Variants in SGCD observed in about 807,000 individuals in gnomAD.
The protein encoded by SGCD is delta-sarcoglycan.
In SGCD, 18 loss-of-function variants were observed where a neutral mutation model predicts 36.6. The ratio of observed to expected loss-of-function variants is 0.49; its 90% CI spans 0.34 to 0.73. SGCD has a LOEUF of 0.73. SGCD is among the 30% of genes least tolerant of loss of function. The pLI is 0.01. For missense variants in SGCD, 387 were observed against 346.7 expected, an observed-to-expected ratio of 1.12 and a Z score of -0.92; for synonymous variants, 133 against 130.6, an observed-to-expected ratio of 1.02 and a Z score of -0.12.
intron 1 of SGCD, among the ~76,000 whole-genome samples, chr5:156,013,435 A>G (rs1243592745): frequency 1.3e-5 from 2 of 152,250 alleles, no homozygotes; most frequent in African/African-American, 2.4e-5. Flanking sequence ...TAAATTTTAC[A>G]CAAGAGCGTT....
intron 4 of SGCD, among the ~76,000 whole-genome samples, chr5:156,581,436 AC>A (rs1311859892): frequency 6.6e-6 from 1 of 152,048 alleles, no homozygotes. Context: ...TGCTGGGAGA[AC>A]CGCTGCTCTC....
chr5:156,736,762 T>C (rs1756390416), intron 7 of SGCD, among the ~76,000 whole-genome samples: 1 of 152,226 alleles, frequency 6.6e-6, no homozygotes, highest in Admixed American at 6.5e-5. Flanking sequence ...CATATGAAAG[T>C]CTGAAAGCAT....
intron 3 of SGCD, among the ~76,000 whole-genome samples, chr5:156,138,018 G>T (rs1762497635): frequency 6.6e-6 from 1 of 152,188 alleles, no homozygotes; most frequent in East Asian, 1.9e-4. Flanking sequence ...CCCAATCAAG[G>T]TACAGCATAT....
intron 3 of SGCD, among the ~76,000 whole-genome samples, chr5:156,171,912 A>G (rs752622419): frequency 1.5e-4 from 23 of 152,264 alleles, no homozygotes; most frequent in Non-Finnish European, 2.6e-4. Flanking sequence ...AGCAGTCAGT[A>G]ACCCTAGGGA....
chr5:156,158,308 G>A (rs1763011678), intron 3 of SGCD, among the ~76,000 whole-genome samples: 1 of 151,558 alleles, frequency 6.6e-6, no homozygotes, highest in Admixed American at 6.6e-5. Flanking sequence ...GCCCACTTTG[G>A]GAGAGAATAA....
At chr5:156,108,656 T>C (rs911730269) in intron 1 of SGCD, among the ~76,000 whole-genome samples, 6 of 152,296 alleles carry the variant, frequency 3.9e-5, no homozygotes, top group Non-Finnish European at 8.8e-5. Context: ...AGCATTGATA[T>C]TATTTCTATC....
chr5:156,479,657 T>C (rs888115686), intron 3 of SGCD, among the ~76,000 whole-genome samples: 1 of 152,212 alleles, frequency 6.6e-6, no homozygotes, highest in Non-Finnish European at 1.5e-5. Context: ...TTTGTCCTTT[T>C]GTTCCAGTAC....
chr5:156,248,111 G>T (rs1271596163), intron 3 of SGCD, among the ~76,000 whole-genome samples: 3 of 152,146 alleles, frequency 2.0e-5, no homozygotes, highest in African/African-American at 4.8e-5. Flanking sequence ...TGTGTAGTAT[G>T]TTTATGTATG....
At chr5:155,930,229 T>C (rs1398276965) in intron 1 of SGCD, among the ~76,000 whole-genome samples, 1 of 152,228 alleles carries the variant, frequency 6.6e-6, no homozygotes, top group Admixed American at 6.5e-5. Context: ...TAGAAACACC[T>C]CTGTACAACT....
At chr5:156,321,113 T>TAAAAAC (rs533078143) in intron 3 of SGCD, among the ~76,000 whole-genome samples, 55 of 151,968 alleles carry the variant, frequency 3.6e-4, no homozygotes, top group Middle Eastern at 3.4e-3. Context: ...AAAAACAAAT[T>TAAAAAC]AAAAACAAAA....
At chr5:156,517,229 G>A (rs1485982095) in intron 4 of SGCD, among the ~76,000 whole-genome samples, 1 of 152,106 alleles carries the variant, frequency 6.6e-6, no homozygotes, top group Non-Finnish European at 1.5e-5. Flanking sequence ...ACTAAGTGGA[G>A]GAAAGAATCT....
At chr5:156,095,995 C>A (rs1002505207) in intron 1 of SGCD, among the ~76,000 whole-genome samples, 11 of 152,182 alleles carry the variant, frequency 7.2e-5, no homozygotes, top group Non-Finnish European at 1.2e-4. Flanking sequence ...CCATTGACTT[C>A]CTCAGATTCC....
intron 3 of SGCD, among the ~76,000 whole-genome samples, chr5:156,406,149 G>A (rs149897254): frequency 7.3e-4 from 111 of 152,178 alleles, no homozygotes; most frequent in African/African-American, 2.6e-3. Context: ...GGCTTGTTAG[G>A]AATTCTGTAA....
the SGCD span, among the ~76,000 whole-genome samples, chr5:155,788,467 T>C: frequency 6.6e-6 from 1 of 152,132 alleles, no homozygotes; most frequent in Admixed American, 6.6e-5. Flanking sequence ...CAGATTAAGA[T>C]TGTATAATAT....
intron 1 of SGCD, among the ~76,000 whole-genome samples, chr5:155,995,305 G>A (rs1386566403): frequency 6.6e-6 from 1 of 152,002 alleles, no homozygotes; most frequent in African/African-American, 2.4e-5. Context: ...TTTTTAAAGA[G>A]CAAGCATTAT....
intron 4 of SGCD, among the ~76,000 whole-genome samples, chr5:156,541,911 A>C (rs1368343365): frequency 6.6e-6 from 1 of 152,112 alleles, no homozygotes; most frequent in African/African-American, 2.4e-5. Context: ...ACATTATACT[A>C]TTTCCCAGGG....
intron 3 of SGCD, among the ~76,000 whole-genome samples, chr5:156,253,810 A>C (rs1447758044): frequency 1.3e-5 from 2 of 152,186 alleles, no homozygotes; most frequent in Admixed American, 1.3e-4. Context: ...GAACACAATT[A>C]TATAATAATT....
chr5:156,304,228 A>G (rs1767138808), intron 3 of SGCD, among the ~76,000 whole-genome samples: 1 of 152,252 alleles, frequency 6.6e-6, no homozygotes, highest in Non-Finnish European at 1.5e-5. Context: ...GCTTTTTGCT[A>G]TGACAAGTTA....
the SGCD span, among the ~76,000 whole-genome samples, chr5:155,854,197 T>C: frequency 6.6e-6 from 1 of 152,168 alleles, no homozygotes; most frequent in East Asian, 1.9e-4. Context: ...CTGTGCTTTT[T>C]AGGGTGGGTA....
Sources: allele counts gnomAD v4.1 joint callset (sites outside exome capture counted in the v4.1 genomes callset), GRCh38; gene constraint gnomAD v4.1.1; transcripts MANE v1.5; gene names NCBI Gene and HGNC (gene_info 2026-07-23, HGNC 2026-07-21).